RGS22: variants seen among roughly 807,000 people sequenced by gnomAD.
RGS22 encodes the protein regulator of G protein signaling 22, also known as regulator of G-protein signaling 22.
In RGS22, 148 loss-of-function variants were observed where a neutral mutation model predicts 172.9. The observed-to-expected ratio is 0.86, with a 90% CI of 0.75 to 0.98. RGS22 has a LOEUF of 0.98. RGS22 is among the 50% of genes least tolerant of loss of function. RGS22 has a pLI of 0.00. For synonymous variants in RGS22, 458 were observed against 480.2 expected (o/e 0.95, Z 0.60); for missense variants, 1,347 against 1,440.8 (o/e 0.93, Z 1.05).
chr8:100,101,317 C>T (rs1200534504), intron 2 of RGS22, among the ~76,000 whole-genome samples: 2 of 149,238 alleles, frequency 1.3e-5, no homozygotes, highest in Non-Finnish European at 3.0e-5. Flanking sequence ...GATGGAGTCT[C>T]GCTCTGTTGC....
At chr8:100,020,941 C>T (rs916530971) in intron 14 of RGS22, among the ~76,000 whole-genome samples, 2 of 152,162 alleles carry the variant, frequency 1.3e-5, no homozygotes, top group Admixed American at 6.5e-5. Context: ...CATTCAGTGA[C>T]GTCACTTTGG....
intron 7 of RGS22, 97 bp from the exon 8 acceptor site, chr8:100,064,140 A>T: frequency 1.1e-6 from 1 of 943,586 alleles, no homozygotes; most frequent in Non-Finnish European, 1.5e-6. Context: ...AAATGGGTTT[A>T]TCATAGGTAG....
chr8:100,058,675 TAAAG>T (rs1320518773), intron 9 of RGS22, among the ~76,000 whole-genome samples: 1 of 152,028 alleles, frequency 6.6e-6, no homozygotes, highest in Non-Finnish European at 1.5e-5. Context: ...GAAGGAGAAA[TAAAG>T]ACTTTCCCAG....
intron 16 of RGS22, 119 bp downstream of exon 16, chr8:100,005,898 A>C (rs1211269500): frequency 1.3e-5 from 8 of 619,358 alleles, no homozygotes; most frequent in East Asian, 2.8e-5. Flanking sequence ...AAGGAACAGC[A>C]GAAAAATGAA....
chr8:100,004,613 T>G (rs1198940440), intron 16 of RGS22: 2 of 153,486 alleles, frequency 1.3e-5, no homozygotes, highest in African/African-American at 4.8e-5. Context: ...TTCAGCAGAT[T>G]GAATTCATGA....
At chr8:99,986,189 T>C (rs1403602988) in intron 21 of RGS22, among the ~76,000 whole-genome samples, 2 of 152,038 alleles carry the variant, frequency 1.3e-5, no homozygotes, top group African/African-American at 2.4e-5. Flanking sequence ...GTCATTGTGC[T>C]ACTGTACTCC....
chr8:99,972,186 T>C (rs1355263845), intron 23 of RGS22, among the ~76,000 whole-genome samples: 1 of 152,158 alleles, frequency 6.6e-6, no homozygotes, highest in Non-Finnish European at 1.5e-5. Flanking sequence ...TTGGGAAAAC[T>C]GGCTAGCCAT....
chr8:100,056,964 ACACT>A (rs1440175123), intron 9 of RGS22, among the ~76,000 whole-genome samples: 1 of 152,222 alleles, frequency 6.6e-6, no homozygotes, highest in Non-Finnish European at 1.5e-5. Context: ...AAAGACGCAG[ACACT>A]CAATGCCAGC....
chr8:99,975,465 T>C (rs1811828629), intron 23 of RGS22, among the ~76,000 whole-genome samples: 1 of 152,138 alleles, frequency 6.6e-6, no homozygotes, highest in African/African-American at 2.4e-5. Flanking sequence ...TTATGCTATA[T>C]TCTGTAAAGG....
chr8:100,100,240 G>A (rs1380841124), intron 2 of RGS22, among the ~76,000 whole-genome samples: 1 of 150,638 alleles, frequency 6.6e-6, no homozygotes, highest in African/African-American at 2.4e-5. Flanking sequence ...CAATGTAAAT[G>A]TTATGTAAAT....
chr8:100,060,114 C>A (rs1809989902), intron 9 of RGS22, among the ~76,000 whole-genome samples: 1 of 152,082 alleles, frequency 6.6e-6, no homozygotes. Flanking sequence ...TCACATGGAA[C>A]AATTCACCGA....
At chr8:99,978,889 A>G (rs1268926924) in intron 22 of RGS22, among the ~76,000 whole-genome samples, 1 of 152,206 alleles carries the variant, frequency 6.6e-6, no homozygotes, top group Non-Finnish European at 1.5e-5. Context: ...AAGCCAACTC[A>G]TAGGGGAAAA....
intron 20 of RGS22, among the ~76,000 whole-genome samples, chr8:99,992,189 A>G (rs1177449088): frequency 6.6e-6 from 1 of 152,234 alleles, no homozygotes; most frequent in East Asian, 1.9e-4. Context: ...CATTAATGCT[A>G]TGAAGAAACT....
intron 3 of RGS22, among the ~76,000 whole-genome samples, chr8:100,090,657 G>T (rs3133721): frequency 0.16 from 24,463 of 152,048 alleles, 2,608 homozygotes; most frequent in African/African-American, 0.3. Flanking sequence ...AGGGTTGTTA[G>T]GGAAGGCTTT....
intron 2 of RGS22, among the ~76,000 whole-genome samples, chr8:100,100,524 A>G (rs1240674528): frequency 6.6e-6 from 1 of 152,112 alleles, no homozygotes. Context: ...TCCTGACCTC[A>G]GGTGATCTGC....
intron 21 of RGS22, among the ~76,000 whole-genome samples, chr8:99,986,229 C>CA (rs1182342918): frequency 6.7e-5 from 10 of 149,682 alleles, no homozygotes; most frequent in Non-Finnish European, 1.0e-4. Flanking sequence ...GACCCTGTCT[C>CA]AAAAAAAAAT....
At chr8:100,105,173 T>A (rs992146881) in intron 2 of RGS22, among the ~76,000 whole-genome samples, 4 of 152,180 alleles carry the variant, frequency 2.6e-5, no homozygotes, top group African/African-American at 9.7e-5. Flanking sequence ...GCATCCACCA[T>A]ACAAATTAAT....
At chr8:100,072,085 C>A (rs1453450658) in intron 5 of RGS22, 60 bp downstream of exon 5, 3 of 1,012,560 alleles carry the variant, frequency 3.0e-6, no homozygotes, top group Non-Finnish European at 4.4e-6. Context: ...GTAGTCCTAG[C>A]AAATTGGGAG....
chr8:100,072,165 A>G lies in RGS22; in HGVS notation c.405T>C (p.Ser135=). 6.3e-7 allele frequency: 1 copy of G among 1,599,350 alleles called. No homozygotes were observed. The highest frequency in any genetic ancestry group is 8.5e-7 in the Non-Finnish European group (1 of 1,170,932). ...KKERLPAFLE[S]DCYFEYRLAK... ...AGTACCTGTATTCAAAGTAACAATCACTTTCCAGAAATGCTGGAAGTCTTT... is the reference window on the plus strand; with the variant it reads ...AGTACCTGTATTCAAAGTAACAATCGCTTTCCAGAAATGCTGGAAGTCTTT... Residue 135 remains serine (S), a synonymous_variant, in exon 5 of 28, where the codon AGT becomes AGC. Transcript: ENST00000360863.
Sources: gnomAD v4.1 joint callset for allele counts (sites outside exome capture counted in the v4.1 genomes callset) on GRCh38, gnomAD v4.1.1 for gene constraint, MANE v1.5 for transcripts, NCBI Gene and HGNC (gene_info 2026-07-23, HGNC 2026-07-21) for gene names.